The following HPSE2 variants were observed in gnomAD, a reference collection of about 807,000 sequenced individuals.
HPSE2 encodes the protein inactive heparanase-2.
HPSE2 carries 38 observed loss-of-function variants against 60.5 expected under a neutral mutation model. That is an observed-to-expected ratio of 0.63 (90% CI 0.48 to 0.82). The LOEUF is 0.82. Ranked by LOEUF, HPSE2 falls within the 40% of genes least tolerant of loss-of-function variation. The pLI is 0.00. For synonymous variants in HPSE2, 295 were observed against 293.2 expected, an observed-to-expected ratio of 1.01 and a Z score of -0.06; for missense variants, 713 against 740.4, an observed-to-expected ratio of 0.96 and a Z score of 0.43.
chr10:98,779,041 T>C lies in HPSE2; in HGVS notation c.611-34985A>G, dbSNP rs1950408286. ...ATTGCAAATGAATATCTAAATAACA[T>C]GTTGAAAAAGACATTAAGAGACAGA... On this transcript the variant is annotated intron_variant, in intron 3 of 11. Transcript: ENST00000370552. 2.0e-5 allele frequency among the ~76,000 whole-genome samples: 3 copies of C among 152,130 alleles called. 1 individual carries two copies. In the South Asian group the frequency reaches 6.2e-4, roughly 32 times the overall value.
intron 3 of HPSE2, among the ~76,000 whole-genome samples, chr10:99,010,026 A>G (rs1455442094): frequency 6.6e-6 from 1 of 152,228 alleles, no homozygotes; most frequent in Non-Finnish European, 1.5e-5. Flanking sequence ...GGGAACAATT[A>G]GCTAGTTTAA....
chr10:99,033,829 G>A (rs1204899157), intron 3 of HPSE2, among the ~76,000 whole-genome samples: 3 of 151,496 alleles, frequency 2.0e-5, no homozygotes, highest in African/African-American at 4.9e-5. Flanking sequence ...AACAGCAGGC[G>A]CTATAAAGGA....
intron 3 of HPSE2, among the ~76,000 whole-genome samples, chr10:98,809,619 A>G (rs1467719950): frequency 6.6e-6 from 1 of 152,130 alleles, no homozygotes; most frequent in Non-Finnish European, 1.5e-5. Flanking sequence ...ATTACAGTGG[A>G]TGATCATAGC....
At chr10:98,703,469 G>A (rs546704205) in intron 5 of HPSE2, among the ~76,000 whole-genome samples, 2,958 of 79,984 alleles carry the variant, frequency 0.037, 49 homozygotes, top group South Asian at 0.072. Context: ...ACCTGGCAGA[G>A]ACACAACAAA....
At chr10:98,720,746 G>A (rs1374111981) in intron 5 of HPSE2, among the ~76,000 whole-genome samples, 2 of 152,282 alleles carry the variant, frequency 1.3e-5, no homozygotes, top group Admixed American at 1.3e-4. Flanking sequence ...GGAATGCTTA[G>A]GCAGACTTTG....
intron 3 of HPSE2, among the ~76,000 whole-genome samples, chr10:98,829,037 A>G (rs1308368139): frequency 6.6e-6 from 1 of 152,218 alleles, no homozygotes; most frequent in African/African-American, 2.4e-5. Context: ...ATGTGCTACA[A>G]CATAGGTGAA....
intron 3 of HPSE2, among the ~76,000 whole-genome samples, chr10:98,872,049 C>A (rs561223174): frequency 6.6e-6 from 1 of 152,136 alleles, no homozygotes; most frequent in African/African-American, 2.4e-5. Flanking sequence ...AGGATAAATC[C>A]TTTTTTTCTT....
the HPSE2 span, among the ~76,000 whole-genome samples, chr10:99,264,521 T>C: frequency 6.6e-6 from 1 of 152,166 alleles, no homozygotes; most frequent in Non-Finnish European, 1.5e-5. Context: ...ATGAATAGTG[T>C]TGTTTTTACC....
chr10:98,536,809 T>C (rs1465083056), intron 9 of HPSE2, among the ~76,000 whole-genome samples: 1 of 152,044 alleles, frequency 6.6e-6, no homozygotes, highest in Non-Finnish European at 1.5e-5. Flanking sequence ...GTAAGAGAGT[T>C]TACTCAGAGG....
intron 9 of HPSE2, among the ~76,000 whole-genome samples, chr10:98,593,631 T>C (rs1398845429): frequency 2.0e-5 from 3 of 152,116 alleles, no homozygotes; most frequent in Admixed American, 2.0e-4. Flanking sequence ...AGTGGATGGC[T>C]TGGATTTGAG....
chr10:99,081,646 T>A (rs982113796), intron 3 of HPSE2, among the ~76,000 whole-genome samples: 2 of 151,956 alleles, frequency 1.3e-5, no homozygotes, highest in Admixed American at 6.6e-5. Context: ...CTTTTTATTT[T>A]TTTTTTTAAA....
At chr10:99,010,678 G>C (rs1956992470) in intron 3 of HPSE2, among the ~76,000 whole-genome samples, 2 of 152,146 alleles carry the variant, frequency 1.3e-5, no homozygotes, top group South Asian at 4.1e-4. Context: ...GATTAGCTCA[G>C]ATAACCTCTG....
chr10:99,157,554 G>C (rs1302834581), intron 2 of HPSE2, among the ~76,000 whole-genome samples: 1 of 130,286 alleles, frequency 7.7e-6, no homozygotes, highest in Non-Finnish European at 1.7e-5. Context: ...GCCATATGTA[G>C]AAAGCTGAAA....
chr10:99,225,971 A>C (rs1237643781), intron 2 of HPSE2, among the ~76,000 whole-genome samples: 1 of 152,078 alleles, frequency 6.6e-6, no homozygotes, highest in African/African-American at 2.4e-5. Flanking sequence ...TTTGCTTGGG[A>C]TAATTTCTAA....
At chr10:99,297,022 A>G in the HPSE2 span, among the ~76,000 whole-genome samples, 1 of 152,186 alleles carries the variant, frequency 6.6e-6, no homozygotes, top group Non-Finnish European at 1.5e-5. Flanking sequence ...CTCTAACACC[A>G]ACCAAGGGCT....
chr10:98,470,603 A>G (rs1940738776), intron 11 of HPSE2, among the ~76,000 whole-genome samples: 1 of 152,240 alleles, frequency 6.6e-6, no homozygotes, highest in Non-Finnish European at 1.5e-5. Flanking sequence ...GTGCAGGGGA[A>G]GAAGAAGACG....
intron 9 of HPSE2, among the ~76,000 whole-genome samples, chr10:98,501,965 A>C (rs572896334): frequency 6.6e-6 from 1 of 152,204 alleles, no homozygotes; most frequent in Admixed American, 6.5e-5. Flanking sequence ...AAAAAAAAAA[A>C]CAAACTTAAA....
chr10:99,012,819 C>T (rs987964425), intron 3 of HPSE2, among the ~76,000 whole-genome samples: 2 of 152,140 alleles, frequency 1.3e-5, no homozygotes, highest in Non-Finnish European at 2.9e-5. Context: ...CTTCCTCTCC[C>T]TTTGTACTTA....
chr10:98,853,507 CCTT>C (rs754476331), intron 3 of HPSE2, among the ~76,000 whole-genome samples: 1 of 151,952 alleles, frequency 6.6e-6, no homozygotes, highest in African/African-American at 2.4e-5. Flanking sequence ...TATCTTGTCT[CCTT>C]ATCACCTCCC....
Sources: gnomAD v4.1 joint callset for allele counts (sites outside exome capture counted in the v4.1 genomes callset) on GRCh38, gnomAD v4.1.1 for gene constraint, MANE v1.5 for transcripts, NCBI Gene and HGNC (gene_info 2026-07-23, HGNC 2026-07-21) for gene names.